TDRD10: variants seen among roughly 807,000 people sequenced by gnomAD.
The protein encoded by TDRD10 is tudor domain-containing protein 10.
TDRD10 carries 40 observed loss-of-function variants against 48.0 expected under a neutral mutation model. The ratio of observed to expected loss-of-function variants is 0.83; its 90% confidence interval spans 0.65 to 1.09. The LOEUF is 1.09. Among genes scored for constraint, TDRD10 ranks in the 50% least tolerant of loss-of-function variants. TDRD10 has a pLI of 0.00. For missense variants in TDRD10, 378 were observed against 434.7 expected (o/e 0.87, Z 1.16); for synonymous variants, 162 against 170.4 (o/e 0.95, Z 0.38).
At chr1:154,530,748 A>G (rs1694572082) in intron 6 of TDRD10, among the ~76,000 whole-genome samples, 3 of 151,338 alleles carry the variant, frequency 2.0e-5, no homozygotes. Context: ...TGTTGCTCAG[A>G]CTGCATAATT....
rs1403783316 is a variant in TDRD10 at position 154,544,827 on chromosome 1, C to T, written c.830C>T (p.Ala277Val). ...GTGCTGGACAGGGTGGACACCTGGG[C>T]TGTGGTCATGTTCATTGATTTTGGA... Reference protein sequence around the residue: ...CWVLDRVDTWAVVMFIDFGQL... With the variant: ...CWVLDRVDTWVVVMFIDFGQL... The change falls in exon 11 of 13, where the codon GCT becomes GTT. Residue 277 changes from alanine (A) to valine (V), a missense_variant. Transcript: ENST00000368482. The T allele has an allele frequency of 6.2e-7, 1 of 1,614,068 alleles. No homozygotes were observed. Among genetic ancestry groups the T allele is most frequent in the Admixed American group, 1.7e-5 (1 of 60,008 alleles).
chr1:154,541,402 A>C (rs1695225530), intron 6 of TDRD10, among the ~76,000 whole-genome samples: 2 of 152,090 alleles, frequency 1.3e-5, no homozygotes, highest in East Asian at 3.9e-4. Flanking sequence ...TTTTGAAGAA[A>C]GGAGAGGACG....
intron 6 of TDRD10, among the ~76,000 whole-genome samples, chr1:154,535,729 A>T (rs1215045090): frequency 6.6e-6 from 1 of 152,204 alleles, no homozygotes; most frequent in Non-Finnish European, 1.5e-5. Flanking sequence ...GGTCTCAAAA[A>T]ATGTGTGCCC....
intron 6 of TDRD10, among the ~76,000 whole-genome samples, chr1:154,528,960 G>C (rs914550138): frequency 6.6e-6 from 1 of 151,992 alleles, no homozygotes; most frequent in African/African-American, 2.4e-5. Context: ...ACTCTTGTTG[G>C]TTTTATCAGT....
rs2149304218 is a variant in TDRD10 at position 154,502,609 on chromosome 1, A to T, written c.-448A>T. On this transcript the variant is annotated 5_prime_UTR_variant, in exon 1 of 13. Coordinates refer to ENST00000368482, the MANE Select transcript of TDRD10 (RefSeq NM_182499.4). The stretch of plus-strand genomic sequence containing the variant: ...ATCGGCCGCGCCCCACTGAGCAGAG[A>T]GCCCCCTTCTGCCGCCGACAGCCCG... The T allele has an allele frequency of 6.6e-6, 1 of 152,122 alleles. No homozygotes were observed. Among genetic ancestry groups the T allele is most frequent in the East Asian group, 2.0e-4 (1 of 5,122 alleles). 9.4% of individuals were successfully genotyped at this position (152,122 alleles called of 1,614,324 possible).
chr1:154,506,752 G>A lies in TDRD10; in HGVS notation c.-27-125G>A. The A allele has an allele frequency of 3.8e-6, 3 of 788,138 alleles. No homozygotes were observed. In the South Asian group the frequency reaches 4.7e-5, roughly 12 times the overall value. The allele number at this position is 788,138 out of a possible 1,614,324, so 48.8% of individuals were successfully genotyped here. On this transcript the variant is annotated intron_variant, in intron 1 of 12. Coordinates refer to ENST00000368482, the MANE Select transcript of TDRD10 (RefSeq NM_182499.4). Reference sequence around the variant, plus strand: ...AATCTAATACATTCATAGGTTCTAGGGATTAGGATGTGGACCACTTTTGGT... The same window carrying A: ...AATCTAATACATTCATAGGTTCTAGAGATTAGGATGTGGACCACTTTTGGT...
chr1:154,517,708 C>T (rs982206788), intron 4 of TDRD10, among the ~76,000 whole-genome samples: 1 of 152,200 alleles, frequency 6.6e-6, no homozygotes. Context: ...AGGCATGAGC[C>T]ACCGCGCCCG....
chr1:154,508,457 CA>C lies in TDRD10; in HGVS notation c.119del (p.Asn40IlefsTer15). ...AAAGAGAGACAGAGGTGTATGTTGG[CA>C]ATCTTCCACTGGATATTTCTAAGGT... ...KKRETEVYVG[N>X]LPLDISKEEI... On this transcript the variant is annotated frameshift_variant, in exon 4 of 13. Coordinates refer to ENST00000368482, the MANE Select transcript of TDRD10 (RefSeq NM_182499.4). LOFTEE classifies it high-confidence loss of function. 6.2e-7 allele frequency: 1 copy of C among 1,609,980 alleles called. No homozygotes were observed. Among genetic ancestry groups the C allele is most frequent in the African/African-American group, 1.3e-5 (1 of 74,946 alleles).
chr1:154,509,095 CTT>C (rs59771172), intron 4 of TDRD10, among the ~76,000 whole-genome samples: 2 of 127,186 alleles, frequency 1.6e-5, no homozygotes, highest in Admixed American at 8.5e-5. Flanking sequence ...CACCTCCTGA[CTT>C]TTTTTTTTTT....
intron 4 of TDRD10, among the ~76,000 whole-genome samples, 158 bp downstream of exon 4, chr1:154,508,639 A>T (rs1479797082): frequency 6.6e-6 from 1 of 152,220 alleles, no homozygotes; most frequent in Non-Finnish European, 1.5e-5. Flanking sequence ...AATGCATCAC[A>T]GTTTGCCTTG....
chr1:154,509,042 T>G (rs1385414012), intron 4 of TDRD10, among the ~76,000 whole-genome samples: 2 of 149,664 alleles, frequency 1.3e-5, no homozygotes, highest in African/African-American at 4.9e-5. Context: ...GTATTCGAAA[T>G]ACAGATGAAA....
In TDRD10 at chr1:154,502,958, G is replaced by C. The variant is rs1692877556; in HGVS notation, c.-99G>C. On this transcript the variant is annotated 5_prime_UTR_variant, in exon 1 of 13. Coordinates refer to ENST00000368482, the MANE Select transcript of TDRD10 (RefSeq NM_182499.4). ...CGTGCCCCCGGGCTCAGAGGGGGCG[G>C]AGCGCGGAGGGAGAAGGCGCGAAGG... 1 of 152,346 alleles carries C rather than the reference G, an allele frequency of 6.6e-6. No individual in the cohort carries two copies. Among genetic ancestry groups the C allele is most frequent in the Non-Finnish European group, 1.5e-5 (1 of 68,136 alleles). 9.4% of individuals were successfully genotyped at this position (152,346 alleles called of 1,614,324 possible). A position where few individuals can be genotyped will look rare whatever the true frequency, so the allele number is the denominator to read the frequency against.
intron 6 of TDRD10, 22 bp downstream of exon 6, chr1:154,521,501 C>T (rs1470896770): frequency 6.2e-7 from 1 of 1,609,086 alleles, no homozygotes; most frequent in Admixed American, 1.7e-5. Flanking sequence ...GGCCTTTCTG[C>T]TCTGGGGCGT....
intron 6 of TDRD10, among the ~76,000 whole-genome samples, chr1:154,527,868 T>C (rs1310104346): frequency 6.6e-6 from 1 of 152,234 alleles, no homozygotes. Flanking sequence ...TTACACTTTT[T>C]ATTTTGAGAT....
chr1:154,533,085 C>T (rs372224716), intron 6 of TDRD10, among the ~76,000 whole-genome samples: 58 of 152,142 alleles, frequency 3.8e-4, no homozygotes, highest in Middle Eastern at 6.8e-3. Context: ...AGGGAGAGAC[C>T]GGTTTCTTTA....
intron 6 of TDRD10, among the ~76,000 whole-genome samples, chr1:154,532,531 C>T (rs899704928): frequency 1.3e-5 from 2 of 152,188 alleles, no homozygotes; most frequent in Non-Finnish European, 2.9e-5. Flanking sequence ...CACGGTGCAG[C>T]GGCGGGCTGA....
chr1:154,520,335 A>G lies in TDRD10; in HGVS notation c.173A>G (p.Asn58Ser), dbSNP rs370275136. The change falls in exon 5 of 13, where the codon AAC becomes AGC. Residue 58 changes from asparagine (N) to serine (S), a missense_variant. By Grantham distance (46) the Asn-to-Ser change is conservative (BLOSUM62 1). Coordinates refer to ENST00000368482, the MANE Select transcript of TDRD10 (RefSeq NM_182499.4). Reference sequence around the variant, plus strand: ...ATTCTGTACCTTCTAAAGGACTTCAACCCTCTTGATGTCCACAAAATCCAG... The same window carrying G: ...ATTCTGTACCTTCTAAAGGACTTCAGCCCTCTTGATGTCCACAAAATCCAG... ...EEILYLLKDF[N>S]PLDVHKIQNG... 2.2e-5 allele frequency: 36 copies of G among 1,613,798 alleles called. No individual in the cohort carries two copies. The Admixed American group carries it at 2.7e-4, about 12-fold the overall frequency.
At chr1:154,515,769 C>T (rs1431758218) in intron 4 of TDRD10, among the ~76,000 whole-genome samples, 2 of 152,190 alleles carry the variant, frequency 1.3e-5, no homozygotes, top group African/African-American at 2.4e-5. Context: ...GGCTGGAGTA[C>T]AATGGCATGA....
intron 10 of TDRD10, 53 bp downstream of exon 10, chr1:154,544,570 C>T: frequency 1.3e-6 from 2 of 1,580,494 alleles, no homozygotes; most frequent in South Asian, 1.1e-5. Flanking sequence ...AGGGAAAATG[C>T]TCCCTTCTTG....
Sources: allele counts gnomAD v4.1 joint callset (sites outside exome capture counted in the v4.1 genomes callset), GRCh38; gene constraint gnomAD v4.1.1; transcripts MANE v1.5; gene names NCBI Gene and HGNC (gene_info 2026-07-23, HGNC 2026-07-21).